EXTL3: variants seen among roughly 807,000 people sequenced by gnomAD.
The protein encoded by EXTL3 is exostosin-like 3.
In EXTL3, 27 loss-of-function variants were observed where a neutral mutation model predicts 69.3. The observed-to-expected ratio is 0.39, with a 90% CI of 0.29 to 0.54. The LOEUF (loss-of-function observed/expected upper bound fraction) is 0.54, where lower values mean the gene tolerates loss of function less well. Ranked by LOEUF, EXTL3 falls within the 20% of genes least tolerant of loss-of-function variation. EXTL3 has a pLI of 0.69. For synonymous variants in EXTL3, 511 were observed against 499.4 expected (o/e 1.02, Z -0.31); for missense variants, 1,003 against 1,231.8 (o/e 0.81, Z 2.78).
Position 28,722,450 on chromosome 8 carries a change from A to G in EXTL3, c.2148+4243A>G, listed in dbSNP as rs573900851. Among the ~76,000 whole-genome samples, 4 of 152,302 alleles carry G rather than the reference A, an allele frequency of 2.6e-5. No individual in the cohort carries two copies. In the South Asian group the frequency reaches 8.3e-4, roughly 32 times the overall value. ...AGACTGCAAGGTCTCTGTGGAAGTG[A>G]TGAGGTCAGAATGCACCATTTTTTT... On this transcript the variant is annotated intron_variant, in intron 3 of 6. Coordinates refer to ENST00000220562, the MANE Select transcript of EXTL3 (RefSeq NM_001440.4).
At chr8:28,748,140 A>G (rs1050857720) in intron 6 of EXTL3, among the ~76,000 whole-genome samples, 3 of 152,210 alleles carry the variant, frequency 2.0e-5, no homozygotes, top group Non-Finnish European at 2.9e-5. Context: ...GGGGAGGCTG[A>G]GGCGGGCAGA....
chr8:28,634,839 C>T (rs1247652135), intron 1 of EXTL3, among the ~76,000 whole-genome samples: 5 of 152,224 alleles, frequency 3.3e-5, no homozygotes, highest in African/African-American at 4.8e-5. Flanking sequence ...AAGTGATCCG[C>T]TCGCTTCGGC....
At chr8:28,612,602 C>T (rs1005463685) in intron 2 of EXTL3, among the ~76,000 whole-genome samples, 4 of 152,086 alleles carry the variant, frequency 2.6e-5, no homozygotes, top group Non-Finnish European at 4.4e-5. Flanking sequence ...TTATAAAAAG[C>T]CCCAGGGTGA....
intron 1 of EXTL3, among the ~76,000 whole-genome samples, chr8:28,636,574 C>T (rs772246439): frequency 2.6e-5 from 4 of 152,152 alleles, no homozygotes; most frequent in Non-Finnish European, 4.4e-5. Context: ...CTCTCAAGAC[C>T]TTTATCTTAC....
At chr8:28,636,977 C>T (rs1287973834) in intron 1 of EXTL3, among the ~76,000 whole-genome samples, 1 of 140,910 alleles carries the variant, frequency 7.1e-6, no homozygotes, top group African/African-American at 2.7e-5. Flanking sequence ...GTGAGACTGT[C>T]TCAGAAAAAG....
intron 6 of EXTL3, among the ~76,000 whole-genome samples, chr8:28,744,266 A>G (rs529882989): frequency 6.8e-4 from 103 of 152,382 alleles, no homozygotes; most frequent in African/African-American, 2.4e-3. Context: ...AGAAGGGTCA[A>G]CAAACTAATG....
chr8:28,730,209 T>TTCA (rs10622395), intron 3 of EXTL3: 47,794 of 151,824 alleles, frequency 0.31, 7,701 homozygotes, highest in African/African-American at 0.4. Context: ...ATGCAGTTAA[T>TTCA]TCATGCCAGG....
At chr8:28,610,158 C>A (rs182187503) in intron 2 of EXTL3, among the ~76,000 whole-genome samples, 28 of 151,940 alleles carry the variant, frequency 1.8e-4, no homozygotes. Context: ...AGCCAAGATC[C>A]CACCACTTTA....
chr8:28,721,256 A>G, intron 3 of EXTL3, among the ~76,000 whole-genome samples: 1 of 152,162 alleles, frequency 6.6e-6, no homozygotes, highest in South Asian at 2.1e-4. Flanking sequence ...TTTTATATGT[A>G]GCTGGTCTGC....
chr8:28,666,840 G>T (rs4996314), intron 1 of EXTL3, among the ~76,000 whole-genome samples: 7,959 of 152,178 alleles, frequency 0.052, 392 homozygotes, highest in African/African-American at 0.13. Context: ...CTCTCAGAGC[G>T]CTGGGATTAC....
At position 28,717,356 on chromosome 8, in the gene EXTL3, A is replaced by G; in HGVS notation, c.1297A>G (p.Ile433Val). Residue 433 changes from isoleucine (I) to valine (V), a missense_variant, in exon 3 of 7, where the codon ATC (isoleucine) becomes GTC (valine). Coordinates refer to ENST00000220562, the MANE Select transcript of EXTL3 (RefSeq NM_001440.4). The surrounding 1 kb of genome is among the most constrained non-coding windows in gnomAD (Gnocchi z 8.3). ...GCTGAAGCTCTCCACCTTCGCCCTC[A>G]TCATTACCCCCGGGGACCCTCGCTT... ...ELLKLSTFALIITPGDPRLVI... is the reference protein window; with the variant it reads ...ELLKLSTFALVITPGDPRLVI... 1 of 1,614,188 alleles carries G rather than the reference A, an allele frequency of 6.2e-7. No individual in the cohort carries two copies. Among genetic ancestry groups the G allele is most frequent in the Non-Finnish European group, 8.5e-7 (1 of 1,180,036 alleles).
intron 1 of EXTL3, among the ~76,000 whole-genome samples, chr8:28,709,928 G>A (rs1454487438): frequency 6.6e-6 from 1 of 152,150 alleles, no homozygotes. Context: ...TCAGACTCTC[G>A]AATGGAGTGA....
intron 1 of EXTL3, among the ~76,000 whole-genome samples, chr8:28,672,263 A>G (rs1321621807): frequency 1.3e-5 from 2 of 151,704 alleles, no homozygotes; most frequent in Non-Finnish European, 2.9e-5. Context: ...TAAAAATACA[A>G]AAAAATTAGC....
upstream of EXTL3, among the ~76,000 whole-genome samples, chr8:28,698,993 C>T (rs979989345): frequency 2.0e-5 from 3 of 151,686 alleles, no homozygotes; most frequent in African/African-American, 7.3e-5. Context: ...GACTCCGTCT[C>T]AAAACAAAAA....
intron 2 of EXTL3, among the ~76,000 whole-genome samples, chr8:28,613,860 A>G (rs1181743765): frequency 7.7e-6 from 1 of 130,326 alleles, no homozygotes; most frequent in African/African-American, 2.8e-5. Flanking sequence ...TTTTTTTTTT[A>G]GAGACAGGGT....
intron 1 of EXTL3, among the ~76,000 whole-genome samples, chr8:28,627,059 G>A (rs918152813): frequency 5.9e-5 from 9 of 152,016 alleles, no homozygotes; most frequent in Admixed American, 3.3e-4. Flanking sequence ...GCGGGCGCCT[G>A]TAGTCCCAGC....
chr8:28,657,735 A>G (rs55823139), intron 1 of EXTL3, among the ~76,000 whole-genome samples: 4 of 151,936 alleles, frequency 2.6e-5, no homozygotes, highest in East Asian at 1.9e-4. Context: ...ACCCGGGGGG[A>G]AAAAACCTAC....
intron 1 of EXTL3, among the ~76,000 whole-genome samples, chr8:28,649,300 A>G (rs1048949389): frequency 6.6e-6 from 1 of 152,198 alleles, no homozygotes; most frequent in African/African-American, 2.4e-5. Flanking sequence ...GTGAGTGCAC[A>G]CTGATCTGGT....
chr8:28,649,447 G>A (rs773634365), intron 1 of EXTL3, among the ~76,000 whole-genome samples: 2 of 152,134 alleles, frequency 1.3e-5, no homozygotes, highest in Non-Finnish European at 2.9e-5. Context: ...ATTGTGTCTC[G>A]TAATTGTTTG....
Sources: gnomAD v4.1 joint callset for allele counts (sites outside exome capture counted in the v4.1 genomes callset) on GRCh38, gnomAD v4.1.1 for gene constraint, Gnocchi (gnomAD v3.1) non-coding constraint, MANE v1.5 for transcripts, NCBI Gene and HGNC (gene_info 2026-07-23, HGNC 2026-07-21) for gene names.